Variants in SLC8A1 observed in about 807,000 individuals in gnomAD.
The protein encoded by SLC8A1 is solute carrier family 8 member A1, also known as sodium/calcium exchanger 1.
SLC8A1 carries 18 observed loss-of-function variants against 68.3 expected under a neutral mutation model. The observed-to-expected ratio is 0.26, with a 90% CI of 0.18 to 0.39. SLC8A1 has a LOEUF of 0.39. SLC8A1 is among the 10% of genes least tolerant of loss of function. The pLI is 1.00. For synonymous variants in SLC8A1, 475 were observed against 415.5 expected, an observed-to-expected ratio of 1.14 and a Z score of -1.74; for missense variants, 985 against 1,156.7, an observed-to-expected ratio of 0.85 and a Z score of 2.15.
chr2:40,432,663 C>A (rs559996383), intron 1 of SLC8A1, among the ~76,000 whole-genome samples: 94 of 151,882 alleles, frequency 6.2e-4, no homozygotes, highest in African/African-American at 2.1e-3. Context: ...GGGGGCAGGG[C>A]TCAGGAGTGG....
In SLC8A1 at chr2:40,242,132, ATGTGTGTGTGTGTGCGTG is replaced by A. The variant is rs1480067323; in HGVS notation, c.1809-64295_1809-64278del. Among the ~76,000 whole-genome samples, 4 of 151,328 alleles carry A rather than the reference ATGTGTGTGTGTGTGCGTG, an allele frequency of 2.6e-5. No homozygotes were observed. The East Asian group carries it at 5.9e-4, about 22-fold the overall frequency. ...GCCTTACAATTTAAGTGTGAGAAGG[ATGTGTGTGTGTGTGCGTG>A]TGTGTGTGTGAGAGAGAGACAGAGA... is the stretch of plus-strand genomic sequence containing the variant. On this transcript the variant is annotated intron_variant, in intron 2 of 7. Coordinates refer to ENST00000406785, the Ensembl canonical transcript of SLC8A1.
At chr2:40,117,676 G>T (rs1004024027) in intron 7 of SLC8A1, among the ~76,000 whole-genome samples, 5 of 152,094 alleles carry the variant, frequency 3.3e-5, no homozygotes, top group African/African-American at 1.2e-4. Context: ...GTAACAGCAA[G>T]CATTAAATGA....
rs1277705562 is a variant in SLC8A1 at position 40,205,248 on chromosome 2, C to A, written c.1809-27393G>T. On this transcript the variant is annotated intron_variant, in intron 2 of 7. Transcript: ENST00000406785. ...TACATCATAAATATATAGTTTTCAT[C>A]AATTTAAAAATAAATAAAAACATCG... is the stretch of plus-strand genomic sequence containing the variant. Among the ~76,000 whole-genome samples the A allele has an allele frequency of 1.0e-4, 5 of 50,232 alleles. No individual in the cohort carries two copies. In the South Asian group the frequency reaches 1.7e-3, roughly 17 times the overall value. 33.0% of individuals were successfully genotyped at this position (50,232 alleles called of 152,430 possible). A position where few individuals can be genotyped will look rare whatever the true frequency, so the allele number is the denominator to read the frequency against.
At chr2:40,490,603 C>T (rs775667707) in intron 1 of SLC8A1, among the ~76,000 whole-genome samples, 12 of 152,044 alleles carry the variant, frequency 7.9e-5, no homozygotes, top group Non-Finnish European at 1.3e-4. Context: ...ACAAAGTTGA[C>T]TATAACATCA....
intron 2 of SLC8A1, among the ~76,000 whole-genome samples, chr2:40,323,389 C>A (rs762753925): frequency 7.9e-5 from 12 of 152,132 alleles, no homozygotes; most frequent in Non-Finnish European, 1.8e-4. Context: ...ATGTCTGAAT[C>A]TCAAATTATT....
intron 1 of SLC8A1, among the ~76,000 whole-genome samples, chr2:40,465,257 T>G (rs1703596393): frequency 6.6e-6 from 1 of 152,228 alleles, no homozygotes; most frequent in South Asian, 2.1e-4. Flanking sequence ...TTGTCCTTCA[T>G]GCCTTATAGC....
chr2:40,230,395 T>C (rs1415814652), intron 2 of SLC8A1, among the ~76,000 whole-genome samples: 1 of 152,160 alleles, frequency 6.6e-6, no homozygotes, highest in East Asian at 1.9e-4. Context: ...CAGTGCTTCT[T>C]TATAAGCAGC....
chr2:40,401,539 G>C (rs1453704168), intron 2 of SLC8A1, among the ~76,000 whole-genome samples: 2 of 95,152 alleles, frequency 2.1e-5, no homozygotes, highest in Non-Finnish European at 3.9e-5. Flanking sequence ...GCATAGTAAG[G>C]AAACTAGTTT....
chr2:40,200,173 G>GATAT (rs200436547), intron 2 of SLC8A1, among the ~76,000 whole-genome samples: 7 of 4,744 alleles, frequency 1.5e-3, no homozygotes, highest in Admixed American at 3.3e-3. Context: ...TCAAGTCATT[G>GATAT]ATATATATAT....
At chr2:40,166,715 T>C (rs1224666274) in intron 4 of SLC8A1, among the ~76,000 whole-genome samples, 1 of 152,224 alleles carries the variant, frequency 6.6e-6, no homozygotes, top group Non-Finnish European at 1.5e-5. Context: ...TATCCAGCAC[T>C]GAAATTAATA....
intron 2 of SLC8A1, among the ~76,000 whole-genome samples, chr2:40,287,247 A>T (rs956663234): frequency 3.3e-5 from 5 of 152,194 alleles, no homozygotes; most frequent in African/African-American, 1.2e-4. Flanking sequence ...ACAAACACAA[A>T]TATAATAATT....
intron 2 of SLC8A1, among the ~76,000 whole-genome samples, chr2:40,348,870 G>C (rs1670182511): frequency 6.6e-6 from 1 of 152,184 alleles, no homozygotes; most frequent in Non-Finnish European, 1.5e-5. Context: ...TCATCTGTCA[G>C]GAATGGGCCT....
intron 2 of SLC8A1, among the ~76,000 whole-genome samples, chr2:40,270,091 G>C (rs2065846191): frequency 6.6e-6 from 1 of 152,178 alleles, no homozygotes; most frequent in Non-Finnish European, 1.5e-5. Context: ...TCTCATGTAA[G>C]CTATGCTATC....
intron 2 of SLC8A1, among the ~76,000 whole-genome samples, chr2:40,372,462 T>C (rs1678420986): frequency 6.6e-6 from 1 of 152,154 alleles, no homozygotes; most frequent in South Asian, 2.1e-4. Flanking sequence ...ACTGTCATGC[T>C]GAGGATTTTT....
chr2:40,168,035 T>C (rs1383586643), intron 4 of SLC8A1, among the ~76,000 whole-genome samples: 1 of 152,170 alleles, frequency 6.6e-6, no homozygotes, highest in Non-Finnish European at 1.5e-5. Context: ...AGCCTCTTAG[T>C]TGCTCAACCC....
chr2:40,254,469 TGCA>T (rs2063549420), intron 2 of SLC8A1: 4 of 115,342 alleles, frequency 3.5e-5, no homozygotes, highest in Middle Eastern at 3.6e-3. Context: ...TGAAGCTAAA[TGCA>T]GTAAAGAATT....
At chr2:40,233,718 T>G (rs1311276452) in intron 2 of SLC8A1, among the ~76,000 whole-genome samples, 3 of 150,010 alleles carry the variant, frequency 2.0e-5, no homozygotes, top group Non-Finnish European at 3.0e-5. Flanking sequence ...TCTAGGGTTT[T>G]TATGGTTTTA....
At chr2:40,103,995 A>C (rs3922283) in exon 8 of SLC8A1, 1 of 151,932 alleles carries the variant, frequency 6.6e-6, no homozygotes, top group Non-Finnish European at 1.5e-5. Flanking sequence ...AGCTAAAGGT[A>C]AAGTCTTCCC....
intron 5 of SLC8A1, 89 bp from the exon 9 acceptor site, chr2:40,160,953 TATATAA>T: frequency 1.1e-6 from 1 of 880,332 alleles, no homozygotes; most frequent in Middle Eastern, 2.3e-4. Flanking sequence ...ACTCCAGAGT[TATATAA>T]AGGGTAGCAG....
Sources: gnomAD v4.1 joint callset for allele counts (sites outside exome capture counted in the v4.1 genomes callset) on GRCh38, gnomAD v4.1.1 for gene constraint, MANE v1.5 for transcripts, NCBI Gene and HGNC (gene_info 2026-07-23, HGNC 2026-07-21) for gene names.